The following RIT2 variants were observed in gnomAD, a reference collection of about 807,000 sequenced individuals.
RIT2 encodes the protein Ras like without CAAX 2, also known as GTP-binding protein Rit2.
A neutral mutation model predicts 23.7 loss-of-function variants in RIT2; 24 were observed. That is an observed-to-expected ratio of 1.01 (90% CI 0.73 to 1.43). RIT2 has a LOEUF of 1.43. RIT2 is among the 40% of genes most tolerant of loss of function. The pLI is 0.00. For missense variants in RIT2, 236 were observed against 266.9 expected, an observed-to-expected ratio of 0.88 and a Z score of 0.81; for synonymous variants, 107 against 91.1, an observed-to-expected ratio of 1.17 and a Z score of -0.99.
chr18:43,099,790 C>T (rs1016362599), intron 1 of RIT2, among the ~76,000 whole-genome samples: 1 of 152,064 alleles, frequency 6.6e-6, no homozygotes, highest in African/African-American at 2.4e-5. Flanking sequence ...CAATTGATGG[C>T]AAAATCATTT....
chr18:43,028,853 GAC>G (rs1911791052), intron 2 of RIT2, among the ~76,000 whole-genome samples: 1 of 152,010 alleles, frequency 6.6e-6, no homozygotes, highest in Non-Finnish European at 1.5e-5. Flanking sequence ...ACAAAGGAGT[GAC>G]TCTATTAGTG....
intron 4 of RIT2, among the ~76,000 whole-genome samples, chr18:42,787,923 T>C (rs1232302328): frequency 6.6e-6 from 1 of 151,732 alleles, no homozygotes; most frequent in Non-Finnish European, 1.5e-5. Context: ...AATGTATTCG[T>C]TTATTTAAAA....
rs140914810 is a variant in RIT2 at position 43,080,248 on chromosome 18, G to A, written c.103+35169C>T. ...ACATCAGCTCATCAACCCTGCAAAG[G>A]CAGGCATTTTTCTTCCCATTCTAAT... On this transcript the variant is annotated intron_variant, in intron 1 of 4. Transcript: ENST00000326695. Among the ~76,000 whole-genome samples the A allele has an allele frequency of 2.6e-5, 4 of 152,232 alleles. No homozygotes were observed. The East Asian group carries it at 5.8e-4, about 22-fold the overall frequency.
At chr18:42,771,631 G>A (rs1913553626) in intron 4 of RIT2, among the ~76,000 whole-genome samples, 1 of 151,948 alleles carries the variant, frequency 6.6e-6, no homozygotes, top group Admixed American at 6.6e-5. Flanking sequence ...ATACATGGAG[G>A]GTGTTAAGAC....
intron 4 of RIT2, among the ~76,000 whole-genome samples, chr18:42,824,523 A>C (rs1427740332): frequency 6.6e-6 from 1 of 152,004 alleles, no homozygotes; most frequent in Non-Finnish European, 1.5e-5. Context: ...CTTTTTTCTC[A>C]AAGATGCATA....
chr18:42,812,860 TAC>T (rs1905890606), intron 4 of RIT2, among the ~76,000 whole-genome samples: 1 of 152,214 alleles, frequency 6.6e-6, no homozygotes, highest in Non-Finnish European at 1.5e-5. Flanking sequence ...GTTGTAATCA[TAC>T]AGAGTATTTC....
At chr18:42,904,571 G>C (rs1354935162) in intron 4 of RIT2, among the ~76,000 whole-genome samples, 1 of 152,160 alleles carries the variant, frequency 6.6e-6, no homozygotes, top group Non-Finnish European at 1.5e-5. Flanking sequence ...TGCTGTTTCA[G>C]TGTGCCCTAA....
In RIT2 at chr18:42,758,485, T is replaced by TA. The variant is rs1204906495; in HGVS notation, c.427-14766_427-14765insT. On this transcript the variant is annotated intron_variant, in intron 4 of 4. Coordinates refer to ENST00000326695, the MANE Select transcript of RIT2 (RefSeq NM_002930.4). Reference sequence around the variant, plus strand: ...CTTTCCTCCTTTCTTGACATTCTAATCCTTTTTTTTTTTGATAACCCTTGT... The same window carrying TA: ...CTTTCCTCCTTTCTTGACATTCTAATACCTTTTTTTTTTTGATAACCCTTGT... 1.1e-3 allele frequency among the ~76,000 whole-genome samples: 11 copies of TA among 10,102 alleles called. No individual in the cohort carries two copies. The Admixed American group carries it at 0.018, about 16-fold the overall frequency. 6.6% of individuals were successfully genotyped at this position (10,102 alleles called of 152,430 possible).
chr18:42,897,737 A>G (rs890688588), intron 4 of RIT2, among the ~76,000 whole-genome samples: 31 of 152,158 alleles, frequency 2.0e-4, no homozygotes, highest in African/African-American at 7.5e-4. Context: ...ATAAAACTCA[A>G]ACATAATATA....
chr18:42,857,121 A>G (rs1907207539), intron 4 of RIT2, among the ~76,000 whole-genome samples: 1 of 118,398 alleles, frequency 8.4e-6, no homozygotes, highest in Non-Finnish European at 1.6e-5. Flanking sequence ...GGCCCGGCCA[A>G]GACGTTTTTA....
At chr18:42,965,551 T>A (rs695087) in intron 3 of RIT2, among the ~76,000 whole-genome samples, 3,416 of 152,010 alleles carry the variant, frequency 0.022, 134 homozygotes, top group African/African-American at 0.079. Flanking sequence ...TTCCCAATTG[T>A]TCAATATATG....
intron 1 of RIT2, among the ~76,000 whole-genome samples, chr18:43,047,443 C>T (rs1410364067): frequency 1.3e-5 from 2 of 152,078 alleles, no homozygotes; most frequent in Non-Finnish European, 2.9e-5. Context: ...ACTCCCTCTA[C>T]TCTCATCCCA....
At chr18:43,040,601 A>C (rs1215715211) in intron 1 of RIT2, among the ~76,000 whole-genome samples, 1 of 152,170 alleles carries the variant, frequency 6.6e-6, no homozygotes, top group Admixed American at 6.6e-5. Flanking sequence ...GTTAAGTAAA[A>C]AAAGTGCCAT....
chr18:42,931,776 G>A (rs974475076), intron 3 of RIT2, among the ~76,000 whole-genome samples: 2 of 152,092 alleles, frequency 1.3e-5, no homozygotes, highest in African/African-American at 4.8e-5. Context: ...TTCATCTACT[G>A]CAGTTTAGTC....
At chr18:42,802,953 C>T (rs1173348752) in intron 4 of RIT2, among the ~76,000 whole-genome samples, 1 of 152,088 alleles carries the variant, frequency 6.6e-6, no homozygotes, top group Non-Finnish European at 1.5e-5. Flanking sequence ...GTGAGATAGT[C>T]TTTAGAGAGT....
In RIT2 at chr18:42,989,818, T is replaced by C. The variant is rs374799566; in HGVS notation, c.161-15671A>G. ...TGAGACAAAATAATAATTTAAAATA[T>C]AATACAAGTGAATGTCATCCCTACT... On this transcript the variant is annotated intron_variant, in intron 2 of 4. Coordinates refer to ENST00000326695, the MANE Select transcript of RIT2 (RefSeq NM_002930.4). Among the ~76,000 whole-genome samples the C allele has an allele frequency of 8.1e-4, 124 of 152,302 alleles. 1 individual carries two copies. Among genetic ancestry groups the C allele is most frequent in the African/African-American group, 2.7e-3 (113 of 41,578 alleles).
intron 3 of RIT2, among the ~76,000 whole-genome samples, chr18:42,962,777 A>G (rs937026103): frequency 6.6e-6 from 1 of 152,292 alleles, no homozygotes; most frequent in Non-Finnish European, 1.5e-5. Context: ...TCTGAATGAG[A>G]TGGTCATTAT....
chr18:43,025,665 A>C (rs1392592104), intron 2 of RIT2, among the ~76,000 whole-genome samples: 1 of 152,152 alleles, frequency 6.6e-6, no homozygotes, highest in Non-Finnish European at 1.5e-5. Flanking sequence ...AATCATAAAA[A>C]AAGAAATCAT....
intron 4 of RIT2, among the ~76,000 whole-genome samples, chr18:42,743,970 T>G (rs1177446314): frequency 6.6e-6 from 1 of 152,158 alleles, no homozygotes; most frequent in East Asian, 1.9e-4. Flanking sequence ...GGTCCTTGCC[T>G]TAACTGATGA....
Sources: gnomAD v4.1 joint callset for allele counts (sites outside exome capture counted in the v4.1 genomes callset) on GRCh38, gnomAD v4.1.1 for gene constraint, MANE v1.5 for transcripts, NCBI Gene and HGNC (gene_info 2026-07-23, HGNC 2026-07-21) for gene names.